Variants in BARX2 observed in about 807,000 individuals in gnomAD.
BARX2 encodes BARX homeobox 2, also known as homeobox protein BarH-like 2.
BARX2 carries 11 observed loss-of-function variants against 25.5 expected under a neutral mutation model. The ratio of observed to expected loss-of-function variants is 0.43; its 90% CI spans 0.27 to 0.71. BARX2 has a LOEUF of 0.71. Among genes scored for constraint, BARX2 ranks in the 30% least tolerant of loss-of-function variants. BARX2 has a pLI of 0.19. For missense variants in BARX2, 360 were observed against 359.9 expected (o/e 1.00, Z 0.00); for synonymous variants, 137 against 149.5 (o/e 0.92, Z 0.61).
intron 1 of BARX2, among the ~76,000 whole-genome samples, chr11:129,396,826 T>C (rs1861725460): frequency 1.3e-5 from 2 of 152,158 alleles, no homozygotes; most frequent in African/African-American, 4.8e-5. Context: ...TGAACTCTTT[T>C]GCCCCAAGAT....
chr11:129,402,775 A>G (rs373165745), intron 1 of BARX2, among the ~76,000 whole-genome samples: 1 of 152,244 alleles, frequency 6.6e-6, no homozygotes, highest in Admixed American at 6.5e-5. Flanking sequence ...CACTCAGTCA[A>G]CAACTGCTAC....
At chr11:129,401,631 T>C (rs1217418748) in intron 1 of BARX2, among the ~76,000 whole-genome samples, 2 of 152,060 alleles carry the variant, frequency 1.3e-5, no homozygotes, top group African/African-American at 4.8e-5. Flanking sequence ...CCATAGCACC[T>C]TGTAGGTAGA....
In BARX2 at chr11:129,407,195, G is replaced by A. The variant is rs150904878; in HGVS notation, c.188-29556G>A. On this transcript the variant is annotated intron_variant, in intron 1 of 3. Coordinates refer to ENST00000281437, the MANE Select transcript of BARX2 (RefSeq NM_003658.5). ...GTGGTCTCAGTCTCTGCTTGAATAC[G>A]GCTGGTGGAGAGGACAGCTTCCTAT... Among the ~76,000 whole-genome samples the A allele has an allele frequency of 1.1e-4, 16 of 152,266 alleles. No homozygotes were observed. The South Asian group carries it at 2.5e-3, about 24-fold the overall frequency.
intron 1 of BARX2, among the ~76,000 whole-genome samples, chr11:129,425,343 A>G (rs931199513): frequency 3.3e-5 from 5 of 152,230 alleles, no homozygotes; most frequent in African/African-American, 9.6e-5. Context: ...GCATGAAGGT[A>G]GGAGTGAGTG....
At chr11:129,381,918 C>T (rs1861568880) in intron 1 of BARX2, among the ~76,000 whole-genome samples, 2 of 152,150 alleles carry the variant, frequency 1.3e-5, no homozygotes, top group Admixed American at 1.3e-4. Flanking sequence ...ACAAAGCTGG[C>T]TTGTGAAATT....
chr11:129,391,057 T>C (rs1861660904), intron 1 of BARX2, among the ~76,000 whole-genome samples: 2 of 152,116 alleles, frequency 1.3e-5, no homozygotes, highest in Non-Finnish European at 2.9e-5. Context: ...CCCCAGTATG[T>C]TGGGGAGCAG....
At chr11:129,420,693 T>G (rs1861994829) in intron 1 of BARX2, among the ~76,000 whole-genome samples, 1 of 152,234 alleles carries the variant, frequency 6.6e-6, no homozygotes, top group Admixed American at 6.5e-5. Context: ...CCTTGTGAAC[T>G]GAGATGATTG....
At chr11:129,411,141 G>A (rs542599683) in intron 1 of BARX2, among the ~76,000 whole-genome samples, 1 of 152,266 alleles carries the variant, frequency 6.6e-6, no homozygotes, top group South Asian at 2.1e-4. Flanking sequence ...GGAGGCCGAG[G>A]CGGGTGGATC....
chr11:129,375,534 GCGCGCTCCCCGCA>G (rs1861490985), upstream of BARX2, among the ~76,000 whole-genome samples: 3 of 152,092 alleles, frequency 2.0e-5, no homozygotes, highest in Non-Finnish European at 4.4e-5. The surrounding 1 kb of genome is among the most constrained non-coding windows in gnomAD (Gnocchi z 4.0). Flanking sequence ...CTGGGGCGGT[GCGCGCTCCCCGCA>G]CCGCGCGCAC....
At chr11:129,408,908 G>A (rs2135397171) in intron 1 of BARX2, among the ~76,000 whole-genome samples, 1 of 152,212 alleles carries the variant, frequency 6.6e-6, no homozygotes, top group East Asian at 1.9e-4. Flanking sequence ...TACATGAGAA[G>A]GTTTCCATGC....
intron 1 of BARX2, among the ~76,000 whole-genome samples, chr11:129,429,469 G>A (rs907963790): frequency 6.6e-6 from 1 of 152,106 alleles, no homozygotes; most frequent in Non-Finnish European, 1.5e-5. Context: ...AGGTTACAGT[G>A]ACCTATGATT....
At chr11:129,438,812 C>A (rs959567504) in intron 2 of BARX2, among the ~76,000 whole-genome samples, 1 of 152,152 alleles carries the variant, frequency 6.6e-6, no homozygotes. Context: ...TTGCTGAGTG[C>A]AGTAGGAACA....
intron 1 of BARX2, among the ~76,000 whole-genome samples, chr11:129,427,204 C>G: frequency 6.6e-6 from 1 of 152,252 alleles, no homozygotes; most frequent in East Asian, 1.9e-4. Context: ...TTAATCCTCA[C>G]GATAATCCAG....
chr11:129,419,748 C>T (rs1167202339), intron 1 of BARX2, among the ~76,000 whole-genome samples: 1 of 151,958 alleles, frequency 6.6e-6, no homozygotes, highest in Non-Finnish European at 1.5e-5. Context: ...CTGAGGCCCT[C>T]ACCACAGGTG....
In BARX2 at chr11:129,407,978, G is replaced by A. The variant is rs1312547186; in HGVS notation, c.188-28773G>A. 4.0e-5 allele frequency among the ~76,000 whole-genome samples: 5 copies of A among 124,146 alleles called. No individual in the cohort carries two copies. In the Admixed American group the frequency reaches 4.4e-4, roughly 11 times the overall value. 81.4% of individuals were successfully genotyped at this position (124,146 alleles called of 152,430 possible). A position where few individuals can be genotyped will look rare whatever the true frequency, so the allele number is the denominator to read the frequency against. ...GCACTTTGGGAGGCCAAGGCGGGCC[G>A]ATCATGAGGTAAGGAGATTGAGACA... On this transcript the variant is annotated intron_variant, in intron 1 of 3. Coordinates refer to ENST00000281437, the MANE Select transcript of BARX2 (RefSeq NM_003658.5).
intron 1 of BARX2, among the ~76,000 whole-genome samples, chr11:129,382,267 T>C (rs756418770): frequency 6.6e-6 from 1 of 152,036 alleles, no homozygotes; most frequent in Admixed American, 6.5e-5. Flanking sequence ...CAACCTCTGC[T>C]TCCCGGGTTC....
intron 1 of BARX2, among the ~76,000 whole-genome samples, chr11:129,386,951 C>T (rs1292449144): frequency 6.6e-6 from 1 of 152,216 alleles, no homozygotes; most frequent in African/African-American, 2.4e-5. Flanking sequence ...CCCACAGGAT[C>T]TGTGGCCAGG....
At chr11:129,429,472 C>CT (rs962145766) in intron 1 of BARX2, among the ~76,000 whole-genome samples, 1 of 152,122 alleles carries the variant, frequency 6.6e-6, no homozygotes, top group African/African-American at 2.4e-5. Context: ...TTACAGTGAC[C>CT]TATGATTGCA....
intron 1 of BARX2, among the ~76,000 whole-genome samples, chr11:129,381,914 C>G (rs4448695): frequency 0.47 from 71,977 of 152,040 alleles, 17,210 homozygotes; most frequent in East Asian, 0.57. Flanking sequence ...CAAAACAAAG[C>G]TGGCTTGTGA....
Sources: gnomAD v4.1 joint callset for allele counts (sites outside exome capture counted in the v4.1 genomes callset) on GRCh38, gnomAD v4.1.1 for gene constraint, Gnocchi (gnomAD v3.1) non-coding constraint, MANE v1.5 for transcripts, NCBI Gene and HGNC (gene_info 2026-07-23, HGNC 2026-07-21) for gene names.